Variants in SFT2D1 observed in about 807,000 individuals in gnomAD.
The protein encoded by SFT2D1 is SFT2 domain containing 1.
SFT2D1 carries 24 observed loss-of-function variants against 28.1 expected under a neutral mutation model. The ratio of observed to expected loss-of-function variants is 0.85; its 90% CI spans 0.62 to 1.20. The LOEUF (loss-of-function observed/expected upper bound fraction) is 1.20, where lower values mean the gene tolerates loss of function less well. Among genes scored for constraint, SFT2D1 ranks in the 50% most tolerant of loss-of-function variants. The probability of loss-of-function intolerance (pLI) is 0.00; values close to 1 mark genes in which losing one functional copy is unlikely to be tolerated. For synonymous variants in SFT2D1, 82 were observed against 73.7 expected (o/e 1.11, Z -0.58); for missense variants, 181 against 190.9 (o/e 0.95, Z 0.31).
intron 5 of SFT2D1, 132 bp from the exon 6 acceptor site, chr6:166,324,727 A>G (rs1418467174): frequency 1.1e-5 from 9 of 818,718 alleles, no homozygotes; most frequent in Non-Finnish European, 1.7e-5. Context: ...TTAGTGTGAT[A>G]AATTTAAGAT....
At chr6:166,336,704 G>C (rs943833848) in intron 1 of SFT2D1, among the ~76,000 whole-genome samples, 2 of 152,174 alleles carry the variant, frequency 1.3e-5, no homozygotes, top group South Asian at 2.1e-4. Flanking sequence ...CATGTAGCTG[G>C]GACCACAGGC....
chr6:166,323,738 A>G (rs531640708), intron 6 of SFT2D1: 25 of 152,368 alleles, frequency 1.6e-4, no homozygotes, highest in African/African-American at 5.5e-4. Flanking sequence ...AAATGATAGG[A>G]ACTAGAAATG....
chr6:166,340,697 G>A (rs1778760729), intron 1 of SFT2D1, among the ~76,000 whole-genome samples: 1 of 148,942 alleles, frequency 6.7e-6, no homozygotes, highest in Admixed American at 6.7e-5. Context: ...TTTTTCTGTG[G>A]CTGTCTGACA....
At chr6:166,335,838 C>T (rs973991193) in intron 1 of SFT2D1, among the ~76,000 whole-genome samples, 22 of 152,298 alleles carry the variant, frequency 1.4e-4, no homozygotes, top group African/African-American at 5.3e-4. Flanking sequence ...TTTGTGAACT[C>T]AGTCAGCCAA....
At chr6:166,321,110 C>CAA (rs996031345) in intron 7 of SFT2D1, among the ~76,000 whole-genome samples, 3 of 122,850 alleles carry the variant, frequency 2.4e-5, no homozygotes, top group African/African-American at 6.1e-5. Flanking sequence ...GACTCCATCT[C>CAA]AAAAAAAAAA....
At chr6:166,335,652 G>A (rs960610406) in intron 1 of SFT2D1, among the ~76,000 whole-genome samples, 6 of 151,978 alleles carry the variant, frequency 3.9e-5, no homozygotes, top group African/African-American at 7.3e-5. Flanking sequence ...CATGCTTAGC[G>A]TTCCAATAAT....
chr6:166,336,712 G>A (rs1040895849), intron 1 of SFT2D1, among the ~76,000 whole-genome samples: 1 of 152,162 alleles, frequency 6.6e-6, no homozygotes, highest in African/African-American at 2.4e-5. Context: ...TGGGACCACA[G>A]GCACACACCA....
chr6:166,330,842 G>A (rs572379585), intron 1 of SFT2D1, among the ~76,000 whole-genome samples: 4 of 152,340 alleles, frequency 2.6e-5, no homozygotes, highest in African/African-American at 4.8e-5. Flanking sequence ...ACCCCATGGA[G>A]GGTAGAGGAC....
At chr6:166,332,429 T>A (rs773371950) in intron 1 of SFT2D1, among the ~76,000 whole-genome samples, 1 of 152,208 alleles carries the variant, frequency 6.6e-6, no homozygotes, top group Non-Finnish European at 1.5e-5. Context: ...TAATTTTTTG[T>A]ATTTTTAGTA....
At chr6:166,329,092 G>A (rs1196581514) in intron 3 of SFT2D1, among the ~76,000 whole-genome samples, 2 of 152,056 alleles carry the variant, frequency 1.3e-5, no homozygotes, top group East Asian at 1.9e-4. Context: ...CAGCCATGGT[G>A]GGATCCCACC....
chr6:166,334,726 T>C (rs573001298), intron 1 of SFT2D1: 3 of 334,836 alleles, frequency 9.0e-6, no homozygotes, highest in South Asian at 8.9e-5. Flanking sequence ...TGTGTAGTCA[T>C]GAGATCCAAG....
At chr6:166,340,408 T>C (rs1013039765) in intron 1 of SFT2D1, among the ~76,000 whole-genome samples, 6 of 152,338 alleles carry the variant, frequency 3.9e-5, no homozygotes, top group African/African-American at 1.4e-4. Context: ...CTATGGCCTA[T>C]GAGAACCCTC....
Position 166,341,448 on chromosome 6 carries a change from TAA to T in SFT2D1, c.63+969_63+970del, listed in dbSNP as rs35479577. On this transcript the variant is annotated intron_variant, in intron 1 of 7. Coordinates refer to ENST00000361731, the MANE Select transcript of SFT2D1 (RefSeq NM_145169.3). Reference sequence around the variant, plus strand: ...CTGAGCGACAAAGCAAGACTCCATCTAAAAAAAAAAAAAAAAAAAATTCATTG... The same window carrying T: ...CTGAGCGACAAAGCAAGACTCCATCTAAAAAAAAAAAAAAAAAATTCATTG... 2.9e-3 allele frequency among the ~76,000 whole-genome samples: 372 copies of T among 128,450 alleles called. 1 individual carries two copies. Among genetic ancestry groups the T allele is most frequent in the African/African-American group, 3.8e-3 (130 of 33,878 alleles). The allele number at this position is 128,450 out of a possible 152,430, so 84.3% of individuals were successfully genotyped here.
intron 1 of SFT2D1, among the ~76,000 whole-genome samples, chr6:166,340,437 TC>T (rs993154426): frequency 2.6e-5 from 4 of 152,210 alleles, no homozygotes; most frequent in African/African-American, 7.2e-5. Context: ...GAATCCCCCT[TC>T]CTGCTTCACC....
chr6:166,338,787 T>C (rs7748082), intron 1 of SFT2D1, among the ~76,000 whole-genome samples: 2,900 of 152,130 alleles, frequency 0.019, 79 homozygotes, highest in African/African-American at 0.066. Context: ...AGGGGAGGAA[T>C]ATGATCAACT....
rs755119399 is a variant in SFT2D1 at position 166,342,515 on chromosome 6, T to G, written c.-34A>C. The G allele has an allele frequency of 6.6e-7, 1 of 1,524,526 alleles. No individual in the cohort carries two copies. The highest frequency in any genetic ancestry group is 2.5e-5 in the East Asian group (1 of 40,692). 94.4% of individuals were successfully genotyped at this position (1,524,526 alleles called of 1,614,324 possible). On this transcript the variant is annotated 5_prime_UTR_variant, in exon 1 of 8. Transcript: ENST00000361731. ...TACAGGGCCGTAGCGGCCGCCACTCTGTTGCCTGCCCCTGACGCCCACCAG... is the reference window on the plus strand; with the variant it reads ...TACAGGGCCGTAGCGGCCGCCACTCGGTTGCCTGCCCCTGACGCCCACCAG...
At chr6:166,326,234 A>G (rs1417018330) in intron 4 of SFT2D1, 67 bp from the exon 5 acceptor site, 36 of 1,325,070 alleles carry the variant, frequency 2.7e-5, no homozygotes, top group Non-Finnish European at 3.9e-5. Context: ...AAATGCATAA[A>G]CTATTCTGCA....
intron 6 of SFT2D1, 46 bp downstream of exon 6, chr6:166,324,491 C>T: frequency 6.4e-7 from 1 of 1,573,182 alleles, no homozygotes. Context: ...ATGCTCGTCA[C>T]GTCTCAGGCA....
intron 4 of SFT2D1, 113 bp from the exon 5 acceptor site, chr6:166,326,280 TAAG>T (rs1778443558): frequency 1.2e-6 from 1 of 842,828 alleles, no homozygotes; most frequent in East Asian, 2.7e-5. Context: ...AGAACAAAAA[TAAG>T]AATACAGCTG....
Sources: gnomAD v4.1 joint callset for allele counts (sites outside exome capture counted in the v4.1 genomes callset) on GRCh38, gnomAD v4.1.1 for gene constraint, MANE v1.5 for transcripts, NCBI Gene and HGNC (gene_info 2026-07-23, HGNC 2026-07-21) for gene names.